Variants in ITPR2 observed in about 807,000 individuals in gnomAD.
ITPR2 encodes the protein inositol 1,4,5-trisphosphate-gated calcium channel ITPR2.
A neutral mutation model predicts 317.1 loss-of-function variants in ITPR2; 207 were observed. The ratio of observed to expected loss-of-function variants is 0.65; its 90% confidence interval spans 0.58 to 0.73. ITPR2 has a LOEUF of 0.73. ITPR2 is among the 30% of genes least tolerant of loss of function. ITPR2 has a pLI of 0.00. For missense variants in ITPR2, 2,613 were observed against 3,284.0 expected (o/e 0.80, Z 4.99); for synonymous variants, 1,156 against 1,149.1 (o/e 1.01, Z -0.12).
chr12:26,691,252 T>A lies in ITPR2; in HGVS notation c.996+4354A>T, dbSNP rs73290462. On this transcript the variant is annotated intron_variant, in intron 10 of 56. Coordinates refer to ENST00000381340, the MANE Select transcript of ITPR2 (RefSeq NM_002223.4). ...ATAGAAAAAAGTCAATATATCTTTA[T>A]AACATGAAGACAATTCAGTTTAAAA... Among the ~76,000 whole-genome samples, 620 of 152,358 alleles carry A rather than the reference T, an allele frequency of 4.1e-3. 3 individuals are homozygous for A. Among genetic ancestry groups the A allele is most frequent in the African/African-American group, 0.013 (536 of 41,590 alleles).
At position 26,593,886 on chromosome 12, in the gene ITPR2, G is replaced by T. The variant is rs185258174; in HGVS notation, c.4380+1579C>A. ...GGTTTAAAAAATAAAAATCCTTTCA[G>T]CTTTATAGCTCATGCTGCCTACAAT... On this transcript the variant is annotated intron_variant, in intron 32 of 56. Transcript: ENST00000381340. 1.6e-3 allele frequency among the ~76,000 whole-genome samples: 240 copies of T among 152,234 alleles called. 2 individuals are homozygous for T. The highest frequency in any genetic ancestry group is 4.7e-4 in the Non-Finnish European group (32 of 68,014).
intron 55 of ITPR2, among the ~76,000 whole-genome samples, chr12:26,378,846 C>T (rs1032581438): frequency 5.9e-5 from 9 of 152,158 alleles, no homozygotes; most frequent in Non-Finnish European, 8.8e-5. Context: ...CAGCTCTGAA[C>T]GAGTTCTCTT....
chr12:26,625,609 C>T (rs535355258), intron 23 of ITPR2, among the ~76,000 whole-genome samples: 3 of 152,064 alleles, frequency 2.0e-5, no homozygotes, highest in East Asian at 3.9e-4. Context: ...AAAAATATGT[C>T]TAAAAGATCA....
chr12:26,585,919 G>T (rs1457891504), intron 32 of ITPR2, among the ~76,000 whole-genome samples: 1 of 152,034 alleles, frequency 6.6e-6, no homozygotes, highest in African/African-American at 2.4e-5. Flanking sequence ...TTGAAAATTG[G>T]ATCTTATTTT....
chr12:26,526,499 G>A (rs1943812305), intron 37 of ITPR2, among the ~76,000 whole-genome samples: 3 of 152,270 alleles, frequency 2.0e-5, no homozygotes, highest in South Asian at 4.1e-4. Flanking sequence ...GGCCCAAGTT[G>A]TGTTGTGCAG....
At chr12:26,715,976 C>T (rs1948733195) in intron 6 of ITPR2, 141 bp from the exon 7 acceptor site, 2 of 733,806 alleles carry the variant, frequency 2.7e-6, no homozygotes, top group Non-Finnish European at 4.5e-6. Context: ...CTTTGAGAGA[C>T]CATCCAAAAA....
At chr12:26,432,983 C>G (rs1422322512) in intron 48 of ITPR2, among the ~76,000 whole-genome samples, 5 of 152,198 alleles carry the variant, frequency 3.3e-5, no homozygotes, top group Admixed American at 2.0e-4. Flanking sequence ...ACCTTCACCA[C>G]CAGCACAGAG....
intron 8 of ITPR2, among the ~76,000 whole-genome samples, chr12:26,712,404 CAGATA>C (rs916646497): frequency 1.3e-5 from 2 of 152,118 alleles, no homozygotes; most frequent in Non-Finnish European, 2.9e-5. Context: ...TCTCATAACT[CAGATA>C]AGATAATAAT....
intron 35 of ITPR2, among the ~76,000 whole-genome samples, chr12:26,556,596 T>G (rs7965588): frequency 0.078 from 9,085 of 116,298 alleles, 319 homozygotes; most frequent in Middle Eastern, 0.12. Context: ...GTGTGTGTGT[T>G]TTTGTTTATA....
chr12:26,472,839 C>G (rs1942326532), intron 45 of ITPR2, among the ~76,000 whole-genome samples: 1 of 151,856 alleles, frequency 6.6e-6, no homozygotes. Context: ...GTATCATCGT[C>G]TTTTTAAAAA....
chr12:26,589,543 C>T (rs184427257), intron 32 of ITPR2, among the ~76,000 whole-genome samples: 43 of 151,548 alleles, frequency 2.8e-4, no homozygotes, highest in African/African-American at 1.0e-3. Context: ...AATCCCAGCA[C>T]TTTGGGAGGC....
rs191423692 is a variant in ITPR2, at chr12:26,829,959, A to T, written c.92+2731T>A. ...CGCTCTGTCCCCCAGGCTGGAGTGCAGTGGCGCAATCTCAGCTCACTGCAA... is the reference window on the plus strand; with the variant it reads ...CGCTCTGTCCCCCAGGCTGGAGTGCTGTGGCGCAATCTCAGCTCACTGCAA... On this transcript the variant is annotated intron_variant, in intron 1 of 56. Coordinates refer to ENST00000381340, the MANE Select transcript of ITPR2 (RefSeq NM_002223.4). Among the ~76,000 whole-genome samples the T allele has an allele frequency of 7.2e-5, 11 of 152,286 alleles. 1 individual carries two copies. The highest frequency in any genetic ancestry group is 2.6e-4 in the African/African-American group (11 of 41,558).
chr12:26,772,799 T>C (rs1045581019), intron 2 of ITPR2, among the ~76,000 whole-genome samples: 2 of 151,908 alleles, frequency 1.3e-5, no homozygotes, highest in Non-Finnish European at 1.5e-5. Context: ...AGGTTTGTTA[T>C]ATAGGTGTAC....
At chr12:26,768,275 G>A (rs1028111175) in intron 2 of ITPR2, among the ~76,000 whole-genome samples, 1 of 129,434 alleles carries the variant, frequency 7.7e-6, no homozygotes, top group Non-Finnish European at 1.7e-5. Flanking sequence ...GGGGTCGGGG[G>A]AAGGGGGAGG....
At chr12:26,722,259 C>T (rs752227341) in intron 5 of ITPR2, 138 bp downstream of exon 5, 1 of 632,444 alleles carries the variant, frequency 1.6e-6, no homozygotes. Flanking sequence ...ACATGTTTAA[C>T]CTAGTAGATA....
chr12:26,454,811 G>A (rs1199795914), intron 45 of ITPR2, among the ~76,000 whole-genome samples: 1 of 152,050 alleles, frequency 6.6e-6, no homozygotes, highest in Non-Finnish European at 1.5e-5. Context: ...ATGGTAGCAC[G>A]TTCAAGTCGT....
chr12:26,709,045 A>C lies in ITPR2; in HGVS notation c.951+2128T>G, dbSNP rs138930320. The stretch of plus-strand genomic sequence containing the variant: ...CTAGAAATCATTGTGATTTGGCCAC[A>C]CCTCTAGACACTTTCACACCAGTAA... On this transcript the variant is annotated intron_variant, in intron 9 of 56. Coordinates refer to ENST00000381340, the MANE Select transcript of ITPR2 (RefSeq NM_002223.4). Among the ~76,000 whole-genome samples the C allele has an allele frequency of 1.8e-4, 28 of 152,294 alleles. No homozygotes were observed. In the East Asian group the frequency reaches 4.6e-3, roughly 25 times the overall value.
chr12:26,569,285 G>C (rs1041401709), intron 34 of ITPR2, among the ~76,000 whole-genome samples: 15 of 152,074 alleles, frequency 9.9e-5, no homozygotes, highest in Non-Finnish European at 1.8e-4. Context: ...TGGGCACGGT[G>C]GTTCATACCT....
Position 26,682,586 on chromosome 12 carries a change from A to G in ITPR2, c.1236T>C (p.Pro412=). 1 of 1,604,156 alleles carries G rather than the reference A, an allele frequency of 6.2e-7. No individual in the cohort carries two copies. The highest frequency in any genetic ancestry group is 8.5e-7 in the Non-Finnish European group (1 of 1,172,820). Residue 412 remains proline (P), a synonymous_variant, in exon 12 of 57, where the codon CCT becomes CCC. Coordinates refer to ENST00000381340, the MANE Select transcript of ITPR2 (RefSeq NM_002223.4). ...CAGTGACATTTACCTTTAACATAACAGGCCTCTCTTCATCTGTGTCTATGG... is the reference window on the plus strand; with the variant it reads ...CAGTGACATTTACCTTTAACATAACGGGCCTCTCTTCATCTGTGTCTATGG... ...SIPIDTDEER[P]VMLKIGTCQT...
Sources: gnomAD v4.1 joint callset for allele counts (sites outside exome capture counted in the v4.1 genomes callset) on GRCh38, gnomAD v4.1.1 for gene constraint, MANE v1.5 for transcripts, NCBI Gene and HGNC (gene_info 2026-07-23, HGNC 2026-07-21) for gene names.